The following ZNF559 variants were observed in gnomAD, a reference collection of about 807,000 sequenced individuals.
ZNF559 encodes the protein zinc finger protein 559, also known as putative protein product of Nbla00121.
In ZNF559, 17 loss-of-function variants were observed where a neutral mutation model predicts 14.2. That is an observed-to-expected ratio of 1.20 (90% CI 0.82 to 1.80). The LOEUF is 1.80. Among genes scored for constraint, ZNF559 ranks in the 40% most tolerant of loss-of-function variants. The probability of loss-of-function intolerance (pLI) is 0.00; values close to 1 mark genes in which losing one functional copy is unlikely to be tolerated. For synonymous variants in ZNF559, 244 were observed against 212.4 expected (o/e 1.15, Z -1.29); for missense variants, 740 against 629.7 (o/e 1.18, Z -1.88).
chr19:9,335,238 A>T (rs984226514), intron 2 of ZNF559, among the ~76,000 whole-genome samples: 1 of 151,564 alleles, frequency 6.6e-6, no homozygotes, highest in Non-Finnish European at 1.5e-5. Context: ...GGAGTTCAAG[A>T]TCAGCCTTTC....
intron 2 of ZNF559, among the ~76,000 whole-genome samples, chr19:9,326,731 CTG>C (rs1439580495): frequency 1.3e-5 from 2 of 152,072 alleles, no homozygotes; most frequent in African/African-American, 4.8e-5. Context: ...CAGTTTAAAA[CTG>C]AGACATTTCA....
At chr19:9,327,632 T>C (rs892475743) in intron 2 of ZNF559, among the ~76,000 whole-genome samples, 1 of 152,200 alleles carries the variant, frequency 6.6e-6, no homozygotes, top group African/African-American at 2.4e-5. Flanking sequence ...TTTTTCCTAG[T>C]TCTGTTGTTC....
At chr19:9,333,877 G>A (rs1394639498) in intron 2 of ZNF559, among the ~76,000 whole-genome samples, 1 of 152,050 alleles carries the variant, frequency 6.6e-6, no homozygotes, top group African/African-American at 2.4e-5. Context: ...ACTGTACTAT[G>A]GATAATAAAC....
chr19:9,331,860 C>T (rs1027280454), intron 2 of ZNF559, among the ~76,000 whole-genome samples: 29 of 152,236 alleles, frequency 1.9e-4, no homozygotes, highest in African/African-American at 4.6e-4. Context: ...CTTATTGAAT[C>T]TTAAAATACA....
Position 9,340,589 on chromosome 19 carries a change from AAAG to A in ZNF559, c.161-511_161-509del, listed in dbSNP as rs1294791028. 1.9e-3 allele frequency among the ~76,000 whole-genome samples: 69 copies of A among 35,942 alleles called. 5 individuals are homozygous for A. Among genetic ancestry groups the A allele is most frequent in the African/African-American group, 4.4e-3 (43 of 9,874 alleles). The allele number at this position is 35,942 out of a possible 152,430, so 23.6% of individuals were successfully genotyped here. A position where few individuals can be genotyped will look rare whatever the true frequency, so the allele number is the denominator to read the frequency against. The stretch of plus-strand genomic sequence containing the variant: ...CTCTAAAAAAAAAAAAAAAAAAAAA[AAAG>A]AGTCTTGCTCTATCGCCAGGCTGAA... On this transcript the variant is annotated intron_variant, in intron 5 of 6. Coordinates refer to ENST00000603380, the MANE Select transcript of ZNF559 (RefSeq NM_032497.3).
intron 2 of ZNF559, among the ~76,000 whole-genome samples, chr19:9,325,542 C>T (rs1017644779): frequency 3.9e-5 from 6 of 152,108 alleles, no homozygotes; most frequent in African/African-American, 7.2e-5. Context: ...CCTGTAATCC[C>T]AGCATGTTGG....
At chr19:9,324,830 T>G in intron 2 of ZNF559, 50 bp downstream of exon 2, 2 of 1,478,086 alleles carry the variant, frequency 1.4e-6, no homozygotes, top group South Asian at 1.2e-5. Flanking sequence ...GTCTTGAAGT[T>G]TAAGTTGTGT....
chr19:9,334,648 C>T (rs1001470427), intron 2 of ZNF559, among the ~76,000 whole-genome samples: 3 of 152,072 alleles, frequency 2.0e-5, no homozygotes, highest in African/African-American at 7.2e-5. Context: ...TGCATTATAC[C>T]TTTGTAATTC....
chr19:9,325,924 T>G (rs1458620548), intron 2 of ZNF559, among the ~76,000 whole-genome samples: 1 of 152,136 alleles, frequency 6.6e-6, no homozygotes, highest in East Asian at 1.9e-4. Context: ...AGCGTGTATC[T>G]CAAATACCTC....
chr19:9,332,837 C>T (rs146664667), intron 2 of ZNF559, among the ~76,000 whole-genome samples: 1 of 152,296 alleles, frequency 6.6e-6, no homozygotes, highest in African/African-American at 2.4e-5. Flanking sequence ...GGTGTATCTG[C>T]ATTCTTGGCT....
intron 2 of ZNF559, among the ~76,000 whole-genome samples, chr19:9,332,510 G>A (rs553543226): frequency 6.6e-6 from 1 of 152,268 alleles, no homozygotes; most frequent in African/African-American, 2.4e-5. Flanking sequence ...GCCTTGGGGG[G>A]ATGGTTGCCT....
Position 9,343,213 on chromosome 19 carries a change from T to G in ZNF559, c.*145T>G. 6.9e-7 allele frequency: 1 copy of G among 1,456,928 alleles called. No individual in the cohort carries two copies. The highest frequency in any genetic ancestry group is 9.0e-7 in the Non-Finnish European group (1 of 1,110,610). 90.3% of individuals were successfully genotyped at this position (1,456,928 alleles called of 1,614,324 possible). A position where few individuals can be genotyped will look rare whatever the true frequency, so the allele number is the denominator to read the frequency against. ...GTGTCTCAGATCTTAACAATTCCAA[T>G]AGAAGAGAAGACATATGAATGTAAG... On this transcript the variant is annotated 3_prime_UTR_variant, in exon 7 of 7. Transcript: ENST00000603380.
chr19:9,341,283 G>A (rs773983789), intron 6 of ZNF559, 99 bp downstream of exon 6: 2 of 1,216,764 alleles, frequency 1.6e-6, no homozygotes, highest in Non-Finnish European at 2.4e-6. Context: ...AGACATTTGA[G>A]ACTAGTGTTT....
chr19:9,333,463 G>A (rs1409404092), intron 2 of ZNF559, among the ~76,000 whole-genome samples: 1 of 152,162 alleles, frequency 6.6e-6, no homozygotes, highest in Non-Finnish European at 1.5e-5. Context: ...AGCACTTGGG[G>A]AGGCCAAGGC....
rs1038956263 is a variant in ZNF559, at chr19:9,345,606, C to G, written c.*2538C>G. On this transcript the variant is annotated 3_prime_UTR_variant, in exon 7 of 7. Coordinates refer to ENST00000603380, the MANE Select transcript of ZNF559 (RefSeq NM_032497.3). ...CTTCTTTAAGCCTTTGGGGAAGAGTCTGTTCAAATCTTTTGCCTGTTTATA... is the reference window on the plus strand; with the variant it reads ...CTTCTTTAAGCCTTTGGGGAAGAGTGTGTTCAAATCTTTTGCCTGTTTATA... 6.6e-6 allele frequency: 1 copy of G among 151,786 alleles called. No individual in the cohort carries two copies. Among genetic ancestry groups the G allele is most frequent in the Non-Finnish European group, 1.5e-5 (1 of 67,940 alleles). 9.4% of individuals were successfully genotyped at this position (151,786 alleles called of 1,614,324 possible).
chr19:9,332,198 C>T (rs1184677802), intron 2 of ZNF559, among the ~76,000 whole-genome samples: 1 of 152,006 alleles, frequency 6.6e-6, no homozygotes, highest in African/African-American at 2.4e-5. Flanking sequence ...TGTCAAATTC[C>T]TTTTCTGCAT....
chr19:9,337,344 C>T (rs542551107), intron 2 of ZNF559, among the ~76,000 whole-genome samples: 1 of 152,202 alleles, frequency 6.6e-6, no homozygotes, highest in Non-Finnish European at 1.5e-5. Flanking sequence ...GAAAAATATA[C>T]ACTTACCAGG....
At chr19:9,324,375 C>T (rs1043729613) in intron 1 of ZNF559, 147 bp downstream of exon 1, 4 of 1,491,878 alleles carry the variant, frequency 2.7e-6, no homozygotes, top group East Asian at 2.5e-5. Context: ...TCTCCCAAGT[C>T]GCGGCCCCTC....
intron 2 of ZNF559, among the ~76,000 whole-genome samples, chr19:9,334,484 AAAG>A (rs1395699975): frequency 6.6e-6 from 1 of 152,208 alleles, no homozygotes; most frequent in Admixed American, 6.5e-5. Flanking sequence ...TTGAATCAAA[AAAG>A]CTAGACATAA....
Sources: allele counts gnomAD v4.1 joint callset (sites outside exome capture counted in the v4.1 genomes callset), GRCh38; gene constraint gnomAD v4.1.1; transcripts MANE v1.5; gene names NCBI Gene and HGNC (gene_info 2026-07-23, HGNC 2026-07-21).